SLC35F3: variants seen among roughly 807,000 people sequenced by gnomAD.
SLC35F3 encodes the protein solute carrier family 35 member F3.
In SLC35F3, 25 loss-of-function variants were observed where a neutral mutation model predicts 49.9. The ratio of observed to expected loss-of-function variants is 0.50; its 90% CI spans 0.37 to 0.70. SLC35F3 has a LOEUF of 0.70. SLC35F3 is among the 30% of genes least tolerant of loss of function. SLC35F3 has a pLI of 0.00. For synonymous variants in SLC35F3, 275 were observed against 265.4 expected (o/e 1.04, Z -0.35); for missense variants, 525 against 639.8 (o/e 0.82, Z 1.94).
In SLC35F3 at chr1:234,231,403, CT is replaced by C; in HGVS notation, c.284-12del. The C allele has an allele frequency of 1.3e-6, 2 of 1,514,258 alleles. No homozygotes were observed. Among genetic ancestry groups the C allele is most frequent in the Non-Finnish European group, 8.8e-7 (1 of 1,134,404 alleles). The allele number at this position is 1,514,258 out of a possible 1,614,324, so 93.8% of individuals were successfully genotyped here. On this transcript the variant is annotated splice_polypyrimidine_tract_variant and intron_variant, in intron 2 of 7. Transcript: ENST00000366618. The surrounding 1 kb of genome is among the most constrained non-coding windows in gnomAD (Gnocchi z 5.4). ...GTCTGCAGGCCCCGCTAACCACGCC[CT>C]TCTCTTCCCCAGGGGAGGAGCGCCC...
chr1:234,024,825 A>G (rs950527885), intron 2 of SLC35F3, among the ~76,000 whole-genome samples: 1 of 151,920 alleles, frequency 6.6e-6, no homozygotes, highest in Non-Finnish European at 1.5e-5. Context: ...TTTTCTTTCC[A>G]ACTGTTATTT....
chr1:234,059,412 C>T (rs1403091993), intron 2 of SLC35F3, among the ~76,000 whole-genome samples: 4 of 151,234 alleles, frequency 2.6e-5, no homozygotes, highest in African/African-American at 2.4e-5. Context: ...TTTCTAATTT[C>T]TCTTTGGTTT....
At chr1:233,926,017 G>A (rs1414182716) in intron 2 of SLC35F3, among the ~76,000 whole-genome samples, 1 of 152,172 alleles carries the variant, frequency 6.6e-6, no homozygotes, top group African/African-American at 2.4e-5. Context: ...TAGTCTGATA[G>A]GCTTCCCTTT....
At chr1:234,131,343 G>C (rs1665733291) in intron 2 of SLC35F3, among the ~76,000 whole-genome samples, 1 of 152,138 alleles carries the variant, frequency 6.6e-6, no homozygotes, top group Non-Finnish European at 1.5e-5. Context: ...CGTAGAGGTA[G>C]CTGGGCCCTG....
At chr1:234,081,491 G>A (rs2358200) in intron 2 of SLC35F3, among the ~76,000 whole-genome samples, 123,659 of 152,062 alleles carry the variant, frequency 0.81, 50,476 homozygotes, top group East Asian at 0.97. Flanking sequence ...GCTACGGGAG[G>A]CAGGGGATTG....
rs143238212 is a variant in SLC35F3 at position 234,319,912 on chromosome 1, G to A, written c.1148-186G>A. On this transcript the variant is annotated intron_variant, in intron 6 of 7. Transcript: ENST00000366618. ...AACAGAGGGGCTGAGTACTCAGAGTGTCTGCTCCTGGTCCCAAGTCCTGGA... is the reference window on the plus strand; with the variant it reads ...AACAGAGGGGCTGAGTACTCAGAGTATCTGCTCCTGGTCCCAAGTCCTGGA... 4.7e-3 allele frequency among the ~76,000 whole-genome samples: 712 copies of A among 152,168 alleles called. 2 individuals are homozygous for A. Among genetic ancestry groups the A allele is most frequent in the Non-Finnish European group, 7.1e-3 (485 of 68,014 alleles).
Position 234,143,927 on chromosome 1 carries a change from C to T in SLC35F3, c.284-87490C>T, listed in dbSNP as rs537926895. The stretch of plus-strand genomic sequence containing the variant: ...ATATGATGGAGGGATCTCTTGTTTA[C>T]AGGGGTCACAGGGTAACTTGAGCAG... On this transcript the variant is annotated intron_variant, in intron 2 of 7. Coordinates refer to ENST00000366618, the MANE Select transcript of SLC35F3 (RefSeq NM_173508.4). 5.3e-5 allele frequency among the ~76,000 whole-genome samples: 8 copies of T among 152,200 alleles called. No individual in the cohort carries two copies. The South Asian group carries it at 1.7e-3, about 32-fold the overall frequency.
At chr1:233,955,804 CT>C (rs1242038341) in intron 2 of SLC35F3, among the ~76,000 whole-genome samples, 2 of 123,444 alleles carry the variant, frequency 1.6e-5, no homozygotes, top group African/African-American at 3.0e-5. Context: ...TTGGTCTTGT[CT>C]CCCAGGCTGG....
At chr1:234,278,237 T>A (rs1179782669) in intron 3 of SLC35F3, among the ~76,000 whole-genome samples, 1 of 151,702 alleles carries the variant, frequency 6.6e-6, no homozygotes, top group Non-Finnish European at 1.5e-5. Flanking sequence ...ATGCCTGTAA[T>A]CCCCGCACTT....
At chr1:234,072,794 G>C (rs1664736387) in intron 2 of SLC35F3, among the ~76,000 whole-genome samples, 1 of 152,186 alleles carries the variant, frequency 6.6e-6, no homozygotes, top group Admixed American at 6.5e-5. Flanking sequence ...TGGGCAAGGG[G>C]GCAAGGGTCC....
intron 2 of SLC35F3, among the ~76,000 whole-genome samples, chr1:233,920,045 A>G (rs1662034315): frequency 6.6e-6 from 1 of 152,204 alleles, no homozygotes. Context: ...CCGTTTGCAG[A>G]TAGAGAGAGA....
At chr1:234,198,341 T>C (rs1368531096) in intron 2 of SLC35F3, among the ~76,000 whole-genome samples, 2 of 152,250 alleles carry the variant, frequency 1.3e-5, no homozygotes, top group African/African-American at 2.4e-5. Context: ...TGAATTATTA[T>C]GCATAATGCT....
At chr1:234,098,008 G>A (rs1665150255) in intron 2 of SLC35F3, among the ~76,000 whole-genome samples, 1 of 151,650 alleles carries the variant, frequency 6.6e-6, no homozygotes, top group East Asian at 1.9e-4. Flanking sequence ...CGGTGTTATA[G>A]GGTGATGATG....
chr1:234,318,748 C>T lies in SLC35F3; in HGVS notation c.955-3C>T, dbSNP rs1390717003. On this transcript the variant is annotated splice_polypyrimidine_tract_variant and splice_region_variant and intron_variant, in intron 5 of 7. Coordinates refer to ENST00000366618, the MANE Select transcript of SLC35F3 (RefSeq NM_173508.4). ...CCCCGTCCTCCTCTGCTTTCTCCTA[C>T]AGGTTTTGTTCAAGCTCCTCCTGGG... 1.9e-6 allele frequency: 3 copies of T among 1,613,074 alleles called. No individual in the cohort carries two copies. The highest frequency in any genetic ancestry group is 2.5e-6 in the Non-Finnish European group (3 of 1,179,500).
At chr1:234,304,528 A>G (rs552355776) in intron 3 of SLC35F3, among the ~76,000 whole-genome samples, 1 of 152,258 alleles carries the variant, frequency 6.6e-6, no homozygotes, top group East Asian at 1.9e-4. Context: ...ATCTTCTCTT[A>G]TCTCTGCAAG....
Position 234,158,544 on chromosome 1 carries a change from T to A in SLC35F3, c.284-72873T>A, listed in dbSNP as rs138030326. Among the ~76,000 whole-genome samples, 525 of 152,338 alleles carry A rather than the reference T, an allele frequency of 3.4e-3. 5 individuals are homozygous for A. The highest frequency in any genetic ancestry group is 0.011 in the African/African-American group (469 of 41,578). Reference sequence around the variant, plus strand: ...ATCATTTTTCATCACTGTCTAGTATTTGTTGGTGTGGACATACTATAATCT... The same window carrying A: ...ATCATTTTTCATCACTGTCTAGTATATGTTGGTGTGGACATACTATAATCT... On this transcript the variant is annotated intron_variant, in intron 2 of 7. Transcript: ENST00000366618.
At chr1:234,009,396 G>A (rs1663679162) in intron 2 of SLC35F3, among the ~76,000 whole-genome samples, 2 of 152,034 alleles carry the variant, frequency 1.3e-5, no homozygotes, top group South Asian at 4.2e-4. Context: ...TTAACTTTGC[G>A]ACTGTTCCCA....
intron 2 of SLC35F3, among the ~76,000 whole-genome samples, chr1:234,161,996 C>T (rs1199777619): frequency 6.6e-6 from 1 of 152,072 alleles, no homozygotes; most frequent in South Asian, 2.1e-4. Context: ...AGCACAGGTC[C>T]CTTGGGCCAC....
intron 2 of SLC35F3, among the ~76,000 whole-genome samples, chr1:233,987,665 C>T (rs558469355): frequency 1.1e-4 from 17 of 152,252 alleles, no homozygotes; most frequent in South Asian, 6.2e-4. Context: ...CAAAAGTTCA[C>T]GTTTTCTCAG....
Sources: allele counts gnomAD v4.1 joint callset (sites outside exome capture counted in the v4.1 genomes callset), GRCh38; gene constraint gnomAD v4.1.1; non-coding constraint Gnocchi (gnomAD v3.1); transcripts MANE v1.5; gene names NCBI Gene and HGNC (gene_info 2026-07-23, HGNC 2026-07-21).